ANO2: variants seen among roughly 807,000 people sequenced by gnomAD.
The protein encoded by ANO2 is anoctamin-2.
ANO2 carries 101 observed loss-of-function variants against 124.2 expected under a neutral mutation model. The ratio of observed to expected loss-of-function variants is 0.81; its 90% CI spans 0.69 to 0.96. The LOEUF is 0.96. ANO2 is among the 40% of genes least tolerant of loss of function. The probability of loss-of-function intolerance (pLI) is 0.00; values close to 1 mark genes in which losing one functional copy is unlikely to be tolerated. For synonymous variants in ANO2, 486 were observed against 482.5 expected, an observed-to-expected ratio of 1.01 and a Z score of -0.09; for missense variants, 1,293 against 1,274.5, an observed-to-expected ratio of 1.01 and a Z score of -0.22.
At chr12:5,578,122 C>T (rs1942525116) in intron 21 of ANO2, 115 bp from the exon 22 acceptor site, 2 of 1,351,046 alleles carry the variant, frequency 1.5e-6, no homozygotes, top group African/African-American at 1.5e-5. Flanking sequence ...TTGCTGGGCC[C>T]CCCCAGAATG....
At chr12:5,806,820 C>T (rs1298232442) in intron 8 of ANO2, among the ~76,000 whole-genome samples, 2 of 152,102 alleles carry the variant, frequency 1.3e-5, no homozygotes, top group South Asian at 2.1e-4. Context: ...AATGATCTTT[C>T]GTTAATATGT....
Position 5,622,985 on chromosome 12 carries a change from C to CGAAAA in ANO2, c.1817-7693_1817-7689dup, listed in dbSNP as rs1420163637. On this transcript the variant is annotated intron_variant, in intron 16 of 24. Coordinates refer to ENST00000682330, the MANE Select transcript of ANO2 (RefSeq NM_001364791.2). ...TCTCAAAAAAAAAAAAAAAAAGAAA[C>CGAAAA]GAAAAGAAAGGAAGGAAAGAAATGA... 5.6e-5 allele frequency among the ~76,000 whole-genome samples: 8 copies of CGAAAA among 141,594 alleles called. No homozygotes were observed. In the East Asian group the frequency reaches 1.4e-3, roughly 25 times the overall value. 92.9% of individuals were successfully genotyped at this position (141,594 alleles called of 152,430 possible).
rs548860946 is a variant in ANO2 at position 5,932,969 on chromosome 12, TG to T, written c.23-10166del. Among the ~76,000 whole-genome samples, 4 of 152,340 alleles carry T rather than the reference TG, an allele frequency of 2.6e-5. No homozygotes were observed. The South Asian group carries it at 8.3e-4, about 32-fold the overall frequency. On this transcript the variant is annotated intron_variant, in intron 1 of 24. Coordinates refer to ENST00000682330, the MANE Select transcript of ANO2 (RefSeq NM_001364791.2). Reference sequence around the variant, plus strand: ...CCAGGAAGAAAGGCAGTGATTTGTATGATCCATTGCAATGGGCCTCGGGCCT... The same window carrying T: ...CCAGGAAGAAAGGCAGTGATTTGTATATCCATTGCAATGGGCCTCGGGCCT...
chr12:5,805,805 G>A (rs1393270763), intron 9 of ANO2, among the ~76,000 whole-genome samples: 1 of 152,156 alleles, frequency 6.6e-6, no homozygotes, highest in Non-Finnish European at 1.5e-5. Context: ...GTGGGGTGAG[G>A]GCTGTGTGTG....
chr12:5,866,871 G>A (rs1487173854), intron 3 of ANO2, among the ~76,000 whole-genome samples: 1 of 152,220 alleles, frequency 6.6e-6, no homozygotes, highest in Non-Finnish European at 1.5e-5. Flanking sequence ...GCCTAGTCAA[G>A]GAACCTTTAA....
intron 14 of ANO2, among the ~76,000 whole-genome samples, chr12:5,698,142 T>C (rs1385849796): frequency 1.3e-5 from 2 of 152,212 alleles, no homozygotes; most frequent in Non-Finnish European, 2.9e-5. Flanking sequence ...ACAGACAGAC[T>C]GCCTCCTCAA....
intron 14 of ANO2, among the ~76,000 whole-genome samples, chr12:5,731,807 C>A (rs534399357): frequency 6.6e-6 from 1 of 152,078 alleles, no homozygotes; most frequent in African/African-American, 2.4e-5. Flanking sequence ...CATGTTTCCA[C>A]GTTTGGAGGT....
chr12:5,653,257 A>T (rs1016244412), intron 14 of ANO2, among the ~76,000 whole-genome samples: 3 of 152,212 alleles, frequency 2.0e-5, no homozygotes, highest in African/African-American at 7.2e-5. Flanking sequence ...TCAACCCTCC[A>T]GATAATAACA....
rs1178611232 is a variant in ANO2, at chr12:5,908,368, C to T, written c.534+12672G>A. ...TATCCACGGTCAAACAGACCTCAGC[C>T]CTTACCACCTGAGAATAATCAATTC... On this transcript the variant is annotated intron_variant, in intron 3 of 24. Transcript: ENST00000682330. The surrounding 1 kb of genome is among the most constrained non-coding windows in gnomAD (Gnocchi z 4.7). 1.3e-5 allele frequency among the ~76,000 whole-genome samples: 2 copies of T among 152,212 alleles called. No homozygotes were observed. Among genetic ancestry groups the T allele is most frequent in the Non-Finnish European group, 2.9e-5 (2 of 68,042 alleles).
At chr12:5,735,960 C>T (rs1335947809) in intron 13 of ANO2, among the ~76,000 whole-genome samples, 1 of 152,234 alleles carries the variant, frequency 6.6e-6, no homozygotes, top group Non-Finnish European at 1.5e-5. Context: ...GATAAGGCCA[C>T]ACTCTCTAAG....
intron 14 of ANO2, among the ~76,000 whole-genome samples, chr12:5,694,423 T>C (rs1029324559): frequency 4.6e-5 from 7 of 152,120 alleles, no homozygotes; most frequent in Admixed American, 1.3e-4. Flanking sequence ...TCAGACCCAC[T>C]AGCGAGTGGT....
chr12:5,825,001 G>A (rs1953913529), intron 7 of ANO2, among the ~76,000 whole-genome samples: 1 of 152,186 alleles, frequency 6.6e-6, no homozygotes, highest in African/African-American at 2.4e-5. Flanking sequence ...CTGGGTACCT[G>A]CCACAACATG....
chr12:5,585,327 C>A (rs544212133), intron 20 of ANO2, among the ~76,000 whole-genome samples: 1 of 152,106 alleles, frequency 6.6e-6, no homozygotes. Flanking sequence ...CACAATGGAT[C>A]GGGCCTGATT....
chr12:5,762,108 G>T (rs1951760111), intron 10 of ANO2, among the ~76,000 whole-genome samples: 1 of 151,980 alleles, frequency 6.6e-6, no homozygotes, highest in Non-Finnish European at 1.5e-5. Flanking sequence ...GTTTACTTTA[G>T]ATGTTTCTCA....
At chr12:5,640,624 A>G (rs1485122888) in intron 15 of ANO2, among the ~76,000 whole-genome samples, 5 of 152,254 alleles carry the variant, frequency 3.3e-5, no homozygotes, top group African/African-American at 1.2e-4. Flanking sequence ...ACATGAAAAA[A>G]TGCTCATCAT....
At chr12:5,876,249 G>A (rs78534114) in intron 3 of ANO2, among the ~76,000 whole-genome samples, 2,974 of 152,228 alleles carry the variant, frequency 0.02, 90 homozygotes, top group African/African-American at 0.069. Context: ...TTATAAGACC[G>A]TATTTCTCCA....
chr12:5,690,725 G>C (rs770362050), intron 14 of ANO2, among the ~76,000 whole-genome samples: 47 of 152,146 alleles, frequency 3.1e-4, no homozygotes, highest in Non-Finnish European at 6.0e-4. Flanking sequence ...CCTTGAGAAA[G>C]ACAGTCTCAC....
chr12:5,844,897 T>C (rs1954633200), intron 4 of ANO2, among the ~76,000 whole-genome samples: 1 of 151,414 alleles, frequency 6.6e-6, no homozygotes, highest in South Asian at 2.1e-4. Flanking sequence ...CTCAAAACTT[T>C]GACTGTCCTG....
chr12:5,635,011 C>T lies in ANO2; in HGVS notation c.1816+141G>A. The T allele has an allele frequency of 4.2e-6, 3 of 705,892 alleles. No individual in the cohort carries two copies. Among genetic ancestry groups the T allele is most frequent in the East Asian group, 3.0e-5 (1 of 33,748 alleles). 43.7% of individuals were successfully genotyped at this position (705,892 alleles called of 1,614,324 possible). A position where few individuals can be genotyped will look rare whatever the true frequency, so the allele number is the denominator to read the frequency against. On this transcript the variant is annotated intron_variant, in intron 16 of 24. Transcript: ENST00000682330. This position sits in a 1 kb window ranked among gnomAD's most constrained non-coding sequence, Gnocchi z 5.2. ...CAGCCCTACAAATACACACACGTTG[C>T]ACTTCCCCATTTCTCTAATTAAAAT...
Sources: allele counts gnomAD v4.1 joint callset (sites outside exome capture counted in the v4.1 genomes callset), GRCh38; gene constraint gnomAD v4.1.1; non-coding constraint Gnocchi (gnomAD v3.1); transcripts MANE v1.5; gene names NCBI Gene and HGNC (gene_info 2026-07-23, HGNC 2026-07-21).